Variants in MAN1A1 observed in about 807,000 individuals in gnomAD.
MAN1A1 encodes mannosyl-oligosaccharide 1,2-alpha-mannosidase IA.
A neutral mutation model predicts 70.8 loss-of-function variants in MAN1A1; 29 were observed. That is an observed-to-expected ratio of 0.41 (90% confidence interval 0.31 to 0.56). MAN1A1 has a LOEUF of 0.56. Ranked by LOEUF, MAN1A1 falls within the 20% of genes least tolerant of loss-of-function variation. The pLI is 0.29. For synonymous variants in MAN1A1, 349 were observed against 330.1 expected (o/e 1.06, Z -0.62); for missense variants, 747 against 841.3 (o/e 0.89, Z 1.39).
chr6:119,348,328 C>T (rs1449454981), intron 2 of MAN1A1, 135 bp downstream of exon 2: 4 of 841,242 alleles, frequency 4.8e-6, no homozygotes, highest in Non-Finnish European at 7.1e-6. Context: ...GCTTTTGACA[C>T]AGCACCTGGT....
At chr6:119,248,428 T>TA in intron 5 of MAN1A1, 74 bp from the exon 6 acceptor site, 4 of 763,328 alleles carry the variant, frequency 5.2e-6, no homozygotes, top group Non-Finnish European at 9.1e-6. Flanking sequence ...TATCTAATAG[T>TA]TACCACTTTT....
intron 2 of MAN1A1, among the ~76,000 whole-genome samples, chr6:119,339,305 A>C (rs1051362436): frequency 6.6e-6 from 1 of 152,200 alleles, no homozygotes; most frequent in Non-Finnish European, 1.5e-5. Flanking sequence ...GTGCAATAAA[A>C]AGTGAGACAC....
At chr6:119,266,170 G>A (rs1430715193) in intron 5 of MAN1A1, among the ~76,000 whole-genome samples, 1 of 152,164 alleles carries the variant, frequency 6.6e-6, no homozygotes, top group Non-Finnish European at 1.5e-5. Flanking sequence ...CAAGACGTCA[G>A]TTCTTCCCAA....
chr6:119,218,783 GAGC>G, intron 6 of MAN1A1, among the ~76,000 whole-genome samples: 1 of 152,302 alleles, frequency 6.6e-6, no homozygotes, highest in South Asian at 2.1e-4. Flanking sequence ...GTACTGGCCA[GAGC>G]TGGTTCACAC....
At chr6:119,350,570 T>C, upstream of MAN1A1, 1 of 985,148 alleles carries the variant, frequency 1.0e-6, no homozygotes, top group South Asian at 4.7e-5. Flanking sequence ...ACGAGTTTTA[T>C]GCTGCGGTAG....
At chr6:119,228,264 T>C (rs1774575026) in intron 6 of MAN1A1, among the ~76,000 whole-genome samples, 1 of 152,232 alleles carries the variant, frequency 6.6e-6, no homozygotes, top group Admixed American at 6.5e-5. Flanking sequence ...GAGCAAAGAA[T>C]GTGATTAACT....
intron 5 of MAN1A1, among the ~76,000 whole-genome samples, chr6:119,268,243 C>A (rs756872743): frequency 9.9e-5 from 15 of 152,166 alleles, no homozygotes; most frequent in Non-Finnish European, 2.1e-4. Flanking sequence ...ACAGGAGGGG[C>A]AAGATAAATG....
chr6:119,297,999 T>TTAGC (rs1772269359), intron 4 of MAN1A1, among the ~76,000 whole-genome samples: 1 of 152,040 alleles, frequency 6.6e-6, no homozygotes, highest in African/African-American at 2.4e-5. Context: ...ATAGCCTGGC[T>TTAGC]TAGCTAGGGT....
At chr6:119,229,448 T>C (rs957190798) in intron 6 of MAN1A1, among the ~76,000 whole-genome samples, 1 of 152,202 alleles carries the variant, frequency 6.6e-6, no homozygotes, top group African/African-American at 2.4e-5. Flanking sequence ...TTTCTTTTCA[T>C]AGATCATCAA....
chr6:119,306,236 T>C (rs1772520240), intron 3 of MAN1A1, among the ~76,000 whole-genome samples: 1 of 152,062 alleles, frequency 6.6e-6, no homozygotes, highest in African/African-American at 2.4e-5. Context: ...TCAAGTGCAG[T>C]AGGAGGATAC....
intron 3 of MAN1A1, among the ~76,000 whole-genome samples, chr6:119,306,613 T>C (rs1309093846): frequency 2.6e-5 from 4 of 152,204 alleles, no homozygotes; most frequent in Non-Finnish European, 4.4e-5. Context: ...AAATTTATGA[T>C]ACTGCACCCT....
At chr6:119,264,549 A>T (rs142689438) in intron 5 of MAN1A1, among the ~76,000 whole-genome samples, 205 of 152,312 alleles carry the variant, frequency 1.3e-3, no homozygotes, top group African/African-American at 4.7e-3. Flanking sequence ...AACAAATGGC[A>T]TGCCATCACT....
intron 2 of MAN1A1, chr6:119,331,954 G>A (rs750611214): frequency 2.0e-6 from 1 of 511,072 alleles, no homozygotes; most frequent in South Asian, 1.4e-5. Flanking sequence ...CAACCTCGCA[G>A]GAGCTGCTCG....
intron 3 of MAN1A1, among the ~76,000 whole-genome samples, chr6:119,304,002 A>T (rs1772466662): frequency 6.6e-6 from 1 of 152,216 alleles, no homozygotes; most frequent in South Asian, 2.1e-4. Context: ...TCAGGAGCAC[A>T]ATGAATTGCT....
At chr6:119,289,461 G>A (rs932992256) in intron 5 of MAN1A1, among the ~76,000 whole-genome samples, 7 of 144,830 alleles carry the variant, frequency 4.8e-5, no homozygotes, top group South Asian at 2.2e-4. Context: ...GGGTTTTTTG[G>A]TTTTGGCTTA....
At chr6:119,217,322 G>A (rs777644735) in intron 6 of MAN1A1, among the ~76,000 whole-genome samples, 23 of 150,084 alleles carry the variant, frequency 1.5e-4, no homozygotes, top group Non-Finnish European at 2.8e-4. Context: ...TTGCTCTGTC[G>A]CCAGGCTGGA....
intron 2 of MAN1A1, among the ~76,000 whole-genome samples, chr6:119,347,334 C>T (rs1479620020): frequency 6.6e-6 from 1 of 152,222 alleles, no homozygotes; most frequent in Non-Finnish European, 1.5e-5. Context: ...CAGGGACTTC[C>T]TCTCCTGATT....
chr6:119,209,090 C>CCAAAAA (rs1554204284), intron 6 of MAN1A1, among the ~76,000 whole-genome samples: 1 of 89,080 alleles, frequency 1.1e-5, no homozygotes. Flanking sequence ...GACCCCGTCT[C>CCAAAAA]AAAAAAAAAA....
At chr6:119,185,725 C>T (rs550489120) in intron 11 of MAN1A1, among the ~76,000 whole-genome samples, 7 of 151,598 alleles carry the variant, frequency 4.6e-5, no homozygotes, top group South Asian at 2.1e-4. Flanking sequence ...TACAGGCGCC[C>T]GCCACCACGC....
Sources: gnomAD v4.1 joint callset for allele counts (sites outside exome capture counted in the v4.1 genomes callset) on GRCh38, gnomAD v4.1.1 for gene constraint, MANE v1.5 for transcripts, NCBI Gene and HGNC (gene_info 2026-07-23, HGNC 2026-07-21) for gene names.